Variants in CHL1 observed in about 807,000 individuals in gnomAD.
The protein encoded by CHL1 is cell adhesion molecule L1 like, also known as neural cell adhesion molecule L1-like protein.
A neutral mutation model predicts 141.9 loss-of-function variants in CHL1; 96 were observed. That is an observed-to-expected ratio of 0.68 (90% CI 0.57 to 0.80). The LOEUF (loss-of-function observed/expected upper bound fraction) is 0.80. Among genes scored for constraint, CHL1 ranks in the 30% least tolerant of loss-of-function variants. The probability of loss-of-function intolerance (pLI) is 0.00; values close to 1 mark genes in which losing one functional copy is unlikely to be tolerated. For synonymous variants in CHL1, 613 were observed against 502.2 expected (o/e 1.22, Z -2.95); for missense variants, 1,820 against 1,457.2 (o/e 1.25, Z -4.05).
At chr3:366,235 C>A in intron 15 of CHL1, 120 bp downstream of exon 15, 2 of 899,132 alleles carry the variant, frequency 2.2e-6, no homozygotes, top group Admixed American at 2.5e-5. Context: ...CTTTGGGAGA[C>A]CGAGGCGAGT....
chr3:213,741 A>G (rs75493794), intron 1 of CHL1: 150 of 152,330 alleles, frequency 9.8e-4, no homozygotes, highest in African/African-American at 3.5e-3. Context: ...TTTGGAAAGC[A>G]AAGAAGAGAT....
intron 2 of CHL1, among the ~76,000 whole-genome samples, chr3:307,617 C>G (rs1054037042): frequency 6.6e-5 from 10 of 152,004 alleles, no homozygotes; most frequent in East Asian, 1.9e-4. Flanking sequence ...ATGCTTGTGT[C>G]TGAGCAAACA....
rs575086170 is a variant in CHL1, at chr3:255,366, G to A, written c.-95+10674G>A. 5.3e-5 allele frequency among the ~76,000 whole-genome samples: 8 copies of A among 152,258 alleles called. No homozygotes were observed. The East Asian group carries it at 9.7e-4, about 18-fold the overall frequency. Reference sequence around the variant, plus strand: ...TGTGATCATAAAAACCTTTCCAGACGTTTTAAGTGATTATGATTTCTATGC... The same window carrying A: ...TGTGATCATAAAAACCTTTCCAGACATTTTAAGTGATTATGATTTCTATGC... On this transcript the variant is annotated intron_variant, in intron 2 of 27. Coordinates refer to ENST00000256509, the MANE Select transcript of CHL1 (RefSeq NM_006614.4).
Position 328,356 on chromosome 3 carries a change from T to G in CHL1, c.385+2T>G, listed in dbSNP as rs770605381. Reference sequence around the variant, plus strand: ...AAGAAATAGAATTTATAGTTCCAAGTAAGTACTATAACGGGAATTTCATTT... The same window carrying G: ...AAGAAATAGAATTTATAGTTCCAAGGAAGTACTATAACGGGAATTTCATTT... On this transcript the variant is annotated splice_donor_variant, in intron 5 of 27. Coordinates refer to ENST00000256509, the MANE Select transcript of CHL1 (RefSeq NM_006614.4). LOFTEE classifies it high-confidence loss of function. The G allele has an allele frequency of 6.2e-7, 1 of 1,605,872 alleles. No individual in the cohort carries two copies. The highest frequency in any genetic ancestry group is 8.5e-7 in the Non-Finnish European group (1 of 1,175,310).
chr3:264,815 G>T (rs1404969715), intron 2 of CHL1, among the ~76,000 whole-genome samples: 1 of 152,160 alleles, frequency 6.6e-6, no homozygotes, highest in Non-Finnish European at 1.5e-5. Context: ...TAAAATACCA[G>T]CGTACTTAGT....
At chr3:370,985 C>T (rs1231393795) in intron 15 of CHL1, among the ~76,000 whole-genome samples, 6 of 151,858 alleles carry the variant, frequency 4.0e-5, no homozygotes, top group East Asian at 1.9e-4. Flanking sequence ...TTATAATTTA[C>T]GGTTTTTTGT....
At chr3:231,226 C>A (rs1701822331) in intron 1 of CHL1, among the ~76,000 whole-genome samples, 1 of 152,088 alleles carries the variant, frequency 6.6e-6, no homozygotes, top group African/African-American at 2.4e-5. Context: ...AACACTTTTC[C>A]ACAATACTTA....
Position 382,616 on chromosome 3 carries a change from A to G in CHL1, c.2121A>G (p.Glu707=), listed in dbSNP as rs759920163. The G allele has an allele frequency of 6.2e-7, 1 of 1,613,872 alleles. No homozygotes were observed. Among genetic ancestry groups the G allele is most frequent in the Middle Eastern group, 1.6e-4 (1 of 6,062 alleles). ...AGTTCAGGGTCATAGCCGTGAACGA[A>G]GTAGGGAGAAGTCAGCCTAGCCAGC... ...RYQFRVIAVN[E]VGRSQPSQPS... The change falls in exon 18 of 28, where the codon GAA becomes GAG. Residue 707 remains glutamate, a synonymous_variant. Coordinates refer to ENST00000256509, the MANE Select transcript of CHL1 (RefSeq NM_006614.4).
At chr3:218,413 T>C (rs1278514439) in intron 1 of CHL1, among the ~76,000 whole-genome samples, 1 of 152,246 alleles carries the variant, frequency 6.6e-6, no homozygotes, top group East Asian at 1.9e-4. Context: ...GATATCTTTT[T>C]CCTTAATATA....
At position 319,850 on chromosome 3, in the gene CHL1, T is replaced by C. The variant is rs1158173093; in HGVS notation, c.74T>C (p.Ile25Thr). The C allele has an allele frequency of 1.3e-6, 2 of 1,581,894 alleles. No individual in the cohort carries two copies. Among genetic ancestry groups the C allele is most frequent in the South Asian group, 2.2e-5 (2 of 90,004 alleles). The part of the protein sequence containing the change: ...MFLLLKFSKA[I>T]EIPSSVQQVP... ...CTCCTGTTAAAATTCTCAAAAGCAA[T>C]TGAAATACCATCTTCAGGTAAAGTT... Residue 25 changes from isoleucine (I) to threonine (T), a missense_variant, in exon 3 of 28, where the codon ATT (isoleucine) becomes ACT (threonine). Ile to Thr is a moderately conservative substitution (Grantham distance 89). Coordinates refer to ENST00000256509, the MANE Select transcript of CHL1 (RefSeq NM_006614.4).
intron 2 of CHL1, among the ~76,000 whole-genome samples, chr3:287,626 G>A (rs1337725564): frequency 6.6e-6 from 1 of 152,126 alleles, no homozygotes; most frequent in Admixed American, 6.5e-5. Context: ...ACAATACATA[G>A]AACTAACTGG....
intron 2 of CHL1, among the ~76,000 whole-genome samples, chr3:314,329 G>GTATATATATATATATATATATATA (rs56292297): frequency 1.5e-5 from 1 of 65,344 alleles, no homozygotes; most frequent in African/African-American, 5.3e-5. Flanking sequence ...CTCTCTATGT[G>GTATATATATATATATATATATATA]TATATATATA....
chr3:297,906 G>A (rs1216398380), intron 2 of CHL1, among the ~76,000 whole-genome samples: 2 of 152,192 alleles, frequency 1.3e-5, no homozygotes, highest in Non-Finnish European at 2.9e-5. Context: ...GTGGGCTGGG[G>A]ATTATAGAGC....
At chr3:295,341 A>G (rs1698089782) in intron 2 of CHL1, among the ~76,000 whole-genome samples, 1 of 152,224 alleles carries the variant, frequency 6.6e-6, no homozygotes, top group Admixed American at 6.5e-5. Context: ...AGTGTCCCGA[A>G]GCCACAGAAG....
chr3:226,295 C>G (rs1574769271), intron 1 of CHL1, among the ~76,000 whole-genome samples: 1 of 146,710 alleles, frequency 6.8e-6, no homozygotes, highest in Non-Finnish European at 1.5e-5. Flanking sequence ...GTGCGGATCC[C>G]AAAGTAGGAT....
intron 2 of CHL1, among the ~76,000 whole-genome samples, chr3:291,462 C>T (rs162731): frequency 0.53 from 78,235 of 148,270 alleles, 21,823 homozygotes; most frequent in African/African-American, 0.72. Flanking sequence ...TTTTCTTTTT[C>T]TTTTTTTTAA....
intron 23 of CHL1, among the ~76,000 whole-genome samples, chr3:392,775 T>G (rs901576668): frequency 1.3e-5 from 2 of 152,230 alleles, no homozygotes; most frequent in African/African-American, 4.8e-5. Context: ...TGGTTTCTGC[T>G]GAAATTAGCA....
intron 27 of CHL1, among the ~76,000 whole-genome samples, chr3:402,379 C>T (rs1335019442): frequency 5.9e-5 from 9 of 152,158 alleles, no homozygotes; most frequent in Admixed American, 2.6e-4. Context: ...CTTTCGGGGA[C>T]GTGTTAAACT....
intron 1 of CHL1, among the ~76,000 whole-genome samples, chr3:206,660 A>G (rs1289743804): frequency 6.6e-6 from 1 of 152,176 alleles, no homozygotes; most frequent in East Asian, 1.9e-4. Context: ...GGATCATTTG[A>G]GCCCAGGAGT....
Sources: gnomAD v4.1 joint callset for allele counts (sites outside exome capture counted in the v4.1 genomes callset) on GRCh38, gnomAD v4.1.1 for gene constraint, MANE v1.5 for transcripts, NCBI Gene and HGNC (gene_info 2026-07-23, HGNC 2026-07-21) for gene names.